Variants in DIS3L2 observed in about 807,000 individuals in gnomAD.
DIS3L2 encodes DIS3-like exonuclease 2.
Under a neutral mutation model 97.5 loss-of-function variants are expected in DIS3L2, and 34 were observed. The ratio of observed to expected loss-of-function variants is 0.35; its 90% CI spans 0.27 to 0.46. The LOEUF is 0.46. Among genes scored for constraint, DIS3L2 ranks in the 20% least tolerant of loss-of-function variants. The pLI is 1.00. For synonymous variants in DIS3L2, 435 were observed against 445.2 expected, an observed-to-expected ratio of 0.98 and a Z score of 0.29; for missense variants, 1,038 against 1,146.0, an observed-to-expected ratio of 0.91 and a Z score of 1.36.
chr2:232,162,370 A>G (rs2106376221), intron 8 of DIS3L2, among the ~76,000 whole-genome samples: 1 of 152,342 alleles, frequency 6.6e-6, no homozygotes. Flanking sequence ...AAATGGGGCC[A>G]GCCCTGCTGC....
chr2:232,128,255 C>CAAATAAAAAATA (rs1698122982), intron 6 of DIS3L2, among the ~76,000 whole-genome samples: 5 of 151,994 alleles, frequency 3.3e-5, no homozygotes, highest in Non-Finnish European at 7.4e-5. Context: ...CATGCCCACC[C>CAAATAAAAAATA]TATAATTTTA....
chr2:232,016,940 C>CCCTT (rs1041203968), intron 3 of DIS3L2, among the ~76,000 whole-genome samples: 8 of 144,958 alleles, frequency 5.5e-5, no homozygotes, highest in East Asian at 4.1e-4. Flanking sequence ...CTCCCTCCCT[C>CCCTT]CCTTCCTTCC....
At chr2:232,009,154 A>T (rs1694129880) in intron 1 of DIS3L2, among the ~76,000 whole-genome samples, 1 of 152,118 alleles carries the variant, frequency 6.6e-6, no homozygotes, top group African/African-American at 2.4e-5. Context: ...AGTTCTTTGA[A>T]CATATTTATA....
intron 10 of DIS3L2, among the ~76,000 whole-genome samples, chr2:232,220,767 A>G (rs1023625312): frequency 1.3e-5 from 2 of 152,122 alleles, no homozygotes; most frequent in Non-Finnish European, 2.9e-5. Context: ...CTTTGGTAGC[A>G]GATAGATCTT....
intron 1 of DIS3L2, among the ~76,000 whole-genome samples, chr2:231,982,142 A>G (rs1559512984): frequency 6.6e-6 from 1 of 152,108 alleles, no homozygotes; most frequent in African/African-American, 2.4e-5. Flanking sequence ...AGTTATATTT[A>G]ATAGATAGAC....
At chr2:232,039,576 G>C (rs1312969630) in intron 5 of DIS3L2, among the ~76,000 whole-genome samples, 2 of 152,148 alleles carry the variant, frequency 1.3e-5, no homozygotes, top group African/African-American at 4.8e-5. Flanking sequence ...TGAGTATCAA[G>C]CTGTGAGGCA....
At chr2:232,324,298 C>T (rs890307936) in intron 14 of DIS3L2, among the ~76,000 whole-genome samples, 1 of 152,148 alleles carries the variant, frequency 6.6e-6, no homozygotes, top group Non-Finnish European at 1.5e-5. Flanking sequence ...TGGCTGGGAG[C>T]AATTCTTATC....
chr2:232,258,718 C>CT (rs1259469149), intron 12 of DIS3L2, among the ~76,000 whole-genome samples: 1 of 151,240 alleles, frequency 6.6e-6, no homozygotes, highest in Non-Finnish European at 1.5e-5. Flanking sequence ...GTCCTTTTGT[C>CT]TTCTGCCACT....
chr2:232,162,647 CAG>C (rs1329155683), intron 8 of DIS3L2, among the ~76,000 whole-genome samples: 2 of 152,218 alleles, frequency 1.3e-5, no homozygotes, highest in African/African-American at 2.4e-5. Context: ...ACTTGTACAA[CAG>C]AGGAGATGGC....
At chr2:232,295,292 C>T (rs540064211) in intron 13 of DIS3L2, among the ~76,000 whole-genome samples, 3 of 152,292 alleles carry the variant, frequency 2.0e-5, no homozygotes, top group Non-Finnish European at 2.9e-5. Flanking sequence ...CCCCATCACA[C>T]TCCCCATTCT....
intron 5 of DIS3L2, among the ~76,000 whole-genome samples, chr2:232,041,362 A>G (rs1002377546): frequency 1.2e-4 from 19 of 152,192 alleles, no homozygotes; most frequent in African/African-American, 4.6e-4. Flanking sequence ...CAGTTGTCAT[A>G]TAGGAGGAAG....
chr2:232,174,307 C>T (rs765870782), intron 9 of DIS3L2, among the ~76,000 whole-genome samples: 4 of 151,662 alleles, frequency 2.6e-5, no homozygotes, highest in South Asian at 2.1e-4. Context: ...ATTTGTTGGC[C>T]GGGCATGGTG....
intron 8 of DIS3L2, among the ~76,000 whole-genome samples, chr2:232,146,673 AC>A (rs1690224561): frequency 6.6e-6 from 1 of 152,178 alleles, no homozygotes; most frequent in Non-Finnish European, 1.5e-5. Flanking sequence ...GAGGCCATAC[AC>A]TGAATTTATT....
At chr2:232,304,389 C>T (rs1694935376) in intron 14 of DIS3L2, among the ~76,000 whole-genome samples, 1 of 152,186 alleles carries the variant, frequency 6.6e-6, no homozygotes, top group Admixed American at 6.5e-5. Context: ...GGCAAAGATA[C>T]GTTAGACCCA....
intron 8 of DIS3L2, among the ~76,000 whole-genome samples, chr2:232,146,912 A>G (rs1690231956): frequency 6.6e-6 from 1 of 152,136 alleles, no homozygotes; most frequent in African/African-American, 2.4e-5. Flanking sequence ...GTCACTCAGA[A>G]TCCTCTCTCA....
chr2:232,257,700 G>A (rs963116016), intron 12 of DIS3L2, among the ~76,000 whole-genome samples: 1 of 152,192 alleles, frequency 6.6e-6, no homozygotes, highest in African/African-American at 2.4e-5. Context: ...ACATCTTAAT[G>A]AAGTGCTGAC....
chr2:232,144,595 A>G (rs1690163189), intron 8 of DIS3L2, among the ~76,000 whole-genome samples: 1 of 152,122 alleles, frequency 6.6e-6, no homozygotes, highest in Non-Finnish European at 1.5e-5. Flanking sequence ...TTACATGACC[A>G]TGGAATACTT....
At chr2:232,043,161 T>A (rs1220148135) in intron 5 of DIS3L2, among the ~76,000 whole-genome samples, 1 of 152,218 alleles carries the variant, frequency 6.6e-6, no homozygotes, top group East Asian at 1.9e-4. Context: ...TCATGCTCAC[T>A]GCCCATCAAG....
intron 6 of DIS3L2, among the ~76,000 whole-genome samples, chr2:232,113,048 T>C (rs1382238360): frequency 2.0e-5 from 3 of 152,128 alleles, no homozygotes; most frequent in Admixed American, 6.5e-5. Context: ...TGCAGAATTA[T>C]CTATGGCTGC....
Sources: gnomAD v4.1 joint callset for allele counts (sites outside exome capture counted in the v4.1 genomes callset) on GRCh38, gnomAD v4.1.1 for gene constraint, MANE v1.5 for transcripts, NCBI Gene and HGNC (gene_info 2026-07-23, HGNC 2026-07-21) for gene names.